The following PHACTR2 variants were observed in gnomAD, a reference collection of about 807,000 sequenced individuals.
PHACTR2 encodes chromosome 6 open reading frame 56.
In PHACTR2, 30 loss-of-function variants were observed where a neutral mutation model predicts 76.0. The ratio of observed to expected loss-of-function variants is 0.39; its 90% CI spans 0.30 to 0.54. The LOEUF (loss-of-function observed/expected upper bound fraction) is 0.54, where lower values mean the gene tolerates loss of function less well. Among genes scored for constraint, PHACTR2 ranks in the 20% least tolerant of loss-of-function variants. The pLI, the probability that PHACTR2 is intolerant of heterozygous loss-of-function variation, is 0.61. For synonymous variants in PHACTR2, 292 were observed against 292.5 expected, an observed-to-expected ratio of 1.00 and a Z score of 0.02; for missense variants, 696 against 781.1, an observed-to-expected ratio of 0.89 and a Z score of 1.30.
rs1776180429 is a variant in PHACTR2, at chr6:143,811,848, G to A, written c.1922+4715G>A. On this transcript the variant is annotated intron_variant, in intron 12 of 12. Transcript: ENST00000440869. This position sits in a 1 kb window ranked among gnomAD's most constrained non-coding sequence, Gnocchi z 4.1. ...TCTAATAAAAATAATACAAAAACATGATCCAGTTTTACATTTAGCAAATTG... is the reference window on the plus strand; with the variant it reads ...TCTAATAAAAATAATACAAAAACATAATCCAGTTTTACATTTAGCAAATTG... Among the ~76,000 whole-genome samples the A allele has an allele frequency of 6.6e-6, 1 of 152,138 alleles. No individual in the cohort carries two copies. Among genetic ancestry groups the A allele is most frequent in the African/African-American group, 2.4e-5 (1 of 41,436 alleles).
upstream of PHACTR2, among the ~76,000 whole-genome samples, chr6:143,606,436 T>A (rs1209732251): frequency 6.6e-6 from 1 of 152,184 alleles, no homozygotes; most frequent in Non-Finnish European, 1.5e-5. Flanking sequence ...TGGAACATAA[T>A]CCATTTGTCA....
At position 143,558,841 on chromosome 6, in the gene PHACTR2, A is replaced by G. The variant is rs142689007; in HGVS notation, c.217+21634A>G. On this transcript the variant is annotated intron_variant, in intron 1 of 11. Coordinates refer to the PHACTR2 transcript ENST00000367584. The surrounding 1 kb of genome is among the most constrained non-coding windows in gnomAD (Gnocchi z 4.7). ...CCTTGCTGCAAACAGTGGACCAGTAATGGTGATTAGGTAGCTCGAGGGCCC... is the reference window on the plus strand; with the variant it reads ...CCTTGCTGCAAACAGTGGACCAGTAGTGGTGATTAGGTAGCTCGAGGGCCC... 6.6e-6 allele frequency among the ~76,000 whole-genome samples: 1 copy of G among 152,352 alleles called. No individual in the cohort carries two copies. The highest frequency in any genetic ancestry group is 2.4e-5 in the African/African-American group (1 of 41,582).
At chr6:143,770,592 G>A (rs1158722278) in intron 6 of PHACTR2, among the ~76,000 whole-genome samples, 2 of 152,132 alleles carry the variant, frequency 1.3e-5, no homozygotes, top group African/African-American at 4.8e-5. Context: ...TTTCTGATAA[G>A]TGAGAAACAA....
intron 1 of PHACTR2, among the ~76,000 whole-genome samples, chr6:143,635,529 A>G (rs914358479): frequency 5.3e-5 from 8 of 152,378 alleles, no homozygotes; most frequent in African/African-American, 1.7e-4. Flanking sequence ...ATACTCCCAC[A>G]GTCAGTGTAT....
At chr6:143,744,137 A>G (rs1275376935) in intron 2 of PHACTR2, among the ~76,000 whole-genome samples, 1 of 152,198 alleles carries the variant, frequency 6.6e-6, no homozygotes, top group Non-Finnish European at 1.5e-5. Context: ...CAGTGCATAC[A>G]GAGACTTTTT....
chr6:143,785,046 C>T (rs1299352348), intron 10 of PHACTR2, among the ~76,000 whole-genome samples: 1 of 152,178 alleles, frequency 6.6e-6, no homozygotes, highest in East Asian at 1.9e-4. Flanking sequence ...CAAAACCAAT[C>T]ATGCCTTCCC....
At chr6:143,566,302 A>ATT (rs200601877) in intron 1 of PHACTR2, among the ~76,000 whole-genome samples, 1 of 149,236 alleles carries the variant, frequency 6.7e-6, no homozygotes, top group Non-Finnish European at 1.5e-5. Flanking sequence ...CTTATTTTGT[A>ATT]TTTTTTTTTA....
chr6:143,765,517 A>T lies in PHACTR2; in HGVS notation c.951A>T (p.Glu317Asp). 6.2e-7 allele frequency: 1 copy of T among 1,614,240 alleles called. No individual in the cohort carries two copies. Among genetic ancestry groups the T allele is most frequent in the African/African-American group, 1.3e-5 (1 of 75,068 alleles). Residue 317 changes from glutamate to aspartate, a missense_variant, in exon 6 of 13, where the codon GAA becomes GAT. By Grantham distance (45) the Glu-to-Asp change is conservative. This residue lies in a region of PHACTR2 where 460 missense variants were observed against 450.9 expected (regional missense o/e 1.02). Transcript: ENST00000440869. This position sits in a 1 kb window ranked among gnomAD's most constrained non-coding sequence, Gnocchi z 4.1. ...AETRVESFKL[E>D]QTVPGAEEQN... ...CCAGAGTGGAGAGTTTCAAACTCGAACAGACTGTCCCTGGAGCTGAGGAGC... is the reference window on the plus strand; with the variant it reads ...CCAGAGTGGAGAGTTTCAAACTCGATCAGACTGTCCCTGGAGCTGAGGAGC...
At chr6:143,691,668 A>G (rs916346408) in intron 1 of PHACTR2, among the ~76,000 whole-genome samples, 12 of 152,244 alleles carry the variant, frequency 7.9e-5, no homozygotes, top group Non-Finnish European at 1.5e-5. Context: ...TGCCTTTTCA[A>G]GAAGACCTCT....
chr6:143,827,198 A>G lies in PHACTR2; in HGVS notation c.*3509A>G, dbSNP rs1425171730. The G allele has an allele frequency of 2.6e-5, 3 of 114,938 alleles. No individual in the cohort carries two copies. The highest frequency in any genetic ancestry group is 3.7e-5 in the Non-Finnish European group (2 of 54,118). The allele number at this position is 114,938 out of a possible 1,614,324, so 7.1% of individuals were successfully genotyped here. ...TATATATATATATATATATATATAT[A>G]TGTATATTATATATACAGTAGCTTA... On this transcript the variant is annotated 3_prime_UTR_variant, in exon 13 of 13. Transcript: ENST00000440869.
rs895322059 is a variant in PHACTR2, at chr6:143,710,913, C to T, written c.47-1103C>T. ...ATATTTTACTTTATTGCACTTTTAT[C>T]CATCTGCCTTTTCCATCTATCTATC... is the stretch of plus-strand genomic sequence containing the variant. On this transcript the variant is annotated intron_variant, in intron 1 of 12. Transcript: ENST00000440869. The surrounding 1 kb of genome is among the most constrained non-coding windows in gnomAD (Gnocchi z 4.9). The T allele has an allele frequency of 4.8e-6, 2 of 414,956 alleles. No homozygotes were observed. Among genetic ancestry groups the T allele is most frequent in the Admixed American group, 3.6e-5 (1 of 28,072 alleles). 25.7% of individuals were successfully genotyped at this position (414,956 alleles called of 1,614,324 possible). A position where few individuals can be genotyped will look rare whatever the true frequency, so the allele number is the denominator to read the frequency against.
intron 1 of PHACTR2, among the ~76,000 whole-genome samples, chr6:143,612,283 A>G (rs1330779291): frequency 1.3e-5 from 2 of 152,222 alleles, no homozygotes; most frequent in African/African-American, 4.8e-5. Flanking sequence ...GGTAAAGGCC[A>G]GGCTGTCACA....
rs376345990 is a variant in PHACTR2 at position 143,678,129 on chromosome 6, G to C, written c.-35G>C. The C allele has an allele frequency of 1.3e-6, 2 of 1,545,962 alleles. No individual in the cohort carries two copies. Among genetic ancestry groups the C allele is most frequent in the Non-Finnish European group, 1.7e-6 (2 of 1,144,954 alleles). On this transcript the variant is annotated 5_prime_UTR_variant, in exon 1 of 13. Coordinates refer to ENST00000440869, the MANE Select transcript of PHACTR2 (RefSeq NM_001100164.2). This position sits in a 1 kb window ranked among gnomAD's most constrained non-coding sequence, Gnocchi z 6.2. ...CCATGATCGAAGGACCAAAGGAGCC[G>C]CTTGATCGCTGGACCTGGCCCTGCG...
At chr6:143,796,472 T>C (rs1775825476) in intron 11 of PHACTR2, among the ~76,000 whole-genome samples, 1 of 152,190 alleles carries the variant, frequency 6.6e-6, no homozygotes, top group East Asian at 1.9e-4. Flanking sequence ...GTAGGTTTGT[T>C]ACATAGGTAT....
In PHACTR2 at chr6:143,816,357, C is replaced by G. The variant is rs1272479582; in HGVS notation, c.1923-7317C>G. 6.6e-6 allele frequency among the ~76,000 whole-genome samples: 1 copy of G among 152,020 alleles called. No individual in the cohort carries two copies. The highest frequency in any genetic ancestry group is 1.5e-5 in the Non-Finnish European group (1 of 68,024). ...TTTGCATTTTCAGTACCTCTAACCA[C>G]AGCGTTTTAGAGCTGAATTTGAAGA... On this transcript the variant is annotated intron_variant, in intron 12 of 12. Transcript: ENST00000440869. The surrounding 1 kb of genome is among the most constrained non-coding windows in gnomAD (Gnocchi z 4.5).
At position 143,823,174 on chromosome 6, in the gene PHACTR2, G is replaced by A. The variant is rs879459666; in HGVS notation, c.1923-500G>A. 2.6e-5 allele frequency among the ~76,000 whole-genome samples: 4 copies of A among 152,232 alleles called. No individual in the cohort carries two copies. The highest frequency in any genetic ancestry group is 4.1e-4 in the South Asian group (2 of 4,834). ...CTTAGTATATACCTGTGGAACATCT[G>A]GGGGGAAGCGCCCTGTGGGCTTTTG... On this transcript the variant is annotated intron_variant, in intron 12 of 12. Transcript: ENST00000440869. The surrounding 1 kb of genome is among the most constrained non-coding windows in gnomAD (Gnocchi z 5.7).
intron 2 of PHACTR2, among the ~76,000 whole-genome samples, chr6:143,725,240 C>A: frequency 8.7e-6 from 1 of 114,442 alleles, no homozygotes; most frequent in Non-Finnish European, 1.7e-5. Context: ...CGAAGTCTCT[C>A]TCTGTCACCC....
rs1776466944 is a variant in PHACTR2, at chr6:143,823,367, T to G, written c.1923-307T>G. Among the ~76,000 whole-genome samples the G allele has an allele frequency of 6.6e-6, 1 of 152,242 alleles. No individual in the cohort carries two copies. Among genetic ancestry groups the G allele is most frequent in the Non-Finnish European group, 1.5e-5 (1 of 68,046 alleles). On this transcript the variant is annotated intron_variant, in intron 12 of 12. Transcript: ENST00000440869. This position sits in a 1 kb window ranked among gnomAD's most constrained non-coding sequence, Gnocchi z 5.7. The stretch of plus-strand genomic sequence containing the variant: ...CTGCTTGATAAAGGTTAGAGCACGA[T>G]GCTCAAGAATAGTGATGTTTTCTGT...
In PHACTR2 at chr6:143,633,173, A is replaced by G. The variant is rs1170741641; in HGVS notation, c.13+24851A>G. On this transcript the variant is annotated intron_variant, in intron 1 of 11. Transcript: ENST00000305766. This position sits in a 1 kb window ranked among gnomAD's most constrained non-coding sequence, Gnocchi z 4.1. ...GGGTGAGAGTATATTTAGTTTTATA[A>G]GAAACTGCTAAACTGTCTTCCAAAG... Among the ~76,000 whole-genome samples the G allele has an allele frequency of 6.6e-6, 1 of 152,222 alleles. No individual in the cohort carries two copies. Among genetic ancestry groups the G allele is most frequent in the African/African-American group, 2.4e-5 (1 of 41,458 alleles).
Sources: gnomAD v4.1 joint callset for allele counts (sites outside exome capture counted in the v4.1 genomes callset) on GRCh38, gnomAD v4.1.1 for gene constraint, gnomAD v4.1.1 regional missense constraint, Gnocchi (gnomAD v3.1) non-coding constraint, MANE v1.5 for transcripts, NCBI Gene and HGNC (gene_info 2026-07-23, HGNC 2026-07-21) for gene names.